Variants in BCAR3 observed in about 807,000 individuals in gnomAD.
BCAR3 encodes BCAR3 adaptor protein, NSP family member, also known as breast cancer anti-estrogen resistance protein 3.
A neutral mutation model predicts 80.1 loss-of-function variants in BCAR3; 37 were observed. The observed-to-expected ratio is 0.46, with a 90% confidence interval of 0.36 to 0.61. The LOEUF (loss-of-function observed/expected upper bound fraction) is 0.61, where lower values mean the gene tolerates loss of function less well. BCAR3 is among the 20% of genes least tolerant of loss of function. BCAR3 has a pLI of 0.00. For synonymous variants in BCAR3, 389 were observed against 418.9 expected, an observed-to-expected ratio of 0.93 and a Z score of 0.87; for missense variants, 978 against 1,068.2, an observed-to-expected ratio of 0.92 and a Z score of 1.18.
chr1:93,806,400 A>G (rs1199342241), intron 2 of BCAR3, among the ~76,000 whole-genome samples: 1 of 152,194 alleles, frequency 6.6e-6, no homozygotes, highest in Non-Finnish European at 1.5e-5. Context: ...TAGGACTAAC[A>G]TGGAAAGTGA....
chr1:93,750,762 C>T (rs186435045), intron 2 of BCAR3, among the ~76,000 whole-genome samples: 2 of 152,260 alleles, frequency 1.3e-5, no homozygotes, highest in East Asian at 3.9e-4. Flanking sequence ...CCAACAAGGC[C>T]CTCCCAGGTC....
intron 3 of BCAR3, among the ~76,000 whole-genome samples, chr1:93,611,015 T>C (rs1674932980): frequency 6.6e-6 from 1 of 152,128 alleles, no homozygotes; most frequent in Non-Finnish European, 1.5e-5. Flanking sequence ...GCTGTTTCTC[T>C]GAGCCTTGGT....
chr1:93,817,350 C>A (rs1654055976), intron 2 of BCAR3, among the ~76,000 whole-genome samples: 1 of 152,232 alleles, frequency 6.6e-6, no homozygotes, highest in African/African-American at 2.4e-5. Context: ...GCCCAGCATT[C>A]CCAGTGGGTC....
At chr1:93,730,920 T>A (rs1650763148) in intron 2 of BCAR3, among the ~76,000 whole-genome samples, 1 of 152,202 alleles carries the variant, frequency 6.6e-6, no homozygotes, top group Non-Finnish European at 1.5e-5. Flanking sequence ...AGCTAGGTGA[T>A]CCAGGTGAAT....
chr1:93,821,626 T>C (rs528265735), intron 2 of BCAR3, among the ~76,000 whole-genome samples: 19 of 152,334 alleles, frequency 1.2e-4, no homozygotes, highest in African/African-American at 4.6e-4. Context: ...TTTGTATTTG[T>C]GTCTACAGTT....
chr1:93,688,581 GT>G (rs562888430), intron 3 of BCAR3, among the ~76,000 whole-genome samples: 30 of 150,756 alleles, frequency 2.0e-4, no homozygotes, highest in Non-Finnish European at 2.2e-4. Flanking sequence ...ATATATGTAT[GT>G]TTTTTTTTAC....
chr1:93,605,826 A>C (rs1332875588), intron 3 of BCAR3, among the ~76,000 whole-genome samples: 1 of 152,240 alleles, frequency 6.6e-6, no homozygotes. Flanking sequence ...TGAATGAACA[A>C]AATGCACCGT....
intron 1 of BCAR3, among the ~76,000 whole-genome samples, chr1:93,680,351 C>T (rs1436159704): frequency 6.6e-6 from 1 of 152,174 alleles, no homozygotes; most frequent in East Asian, 1.9e-4. Flanking sequence ...TGTGGGATCC[C>T]CTGGCTTGGC....
chr1:93,740,998 G>T (rs1651155940), intron 2 of BCAR3, among the ~76,000 whole-genome samples: 1 of 152,200 alleles, frequency 6.6e-6, no homozygotes, highest in Admixed American at 6.5e-5. Context: ...AGATGGCCAG[G>T]GTGAAAGCGT....
intron 1 of BCAR3, chr1:93,846,964 C>G (rs1365034924): frequency 4.0e-6 from 1 of 247,658 alleles, no homozygotes; most frequent in Non-Finnish European, 7.8e-6. Flanking sequence ...AGCACGCACA[C>G]AGACGTCGCG....
At chr1:93,747,477 G>A (rs1651400327) in intron 2 of BCAR3, among the ~76,000 whole-genome samples, 1 of 151,618 alleles carries the variant, frequency 6.6e-6, no homozygotes, top group South Asian at 2.1e-4. Flanking sequence ...ATTTGCAGTT[G>A]CTGGTGTCTG....
chr1:93,805,856 A>C (rs1440771516), intron 2 of BCAR3, among the ~76,000 whole-genome samples: 1 of 152,224 alleles, frequency 6.6e-6, no homozygotes, highest in Non-Finnish European at 1.5e-5. Flanking sequence ...AAAACCTTAG[A>C]GAAAACTAAG....
chr1:93,739,120 T>C (rs1651093901), intron 2 of BCAR3, among the ~76,000 whole-genome samples: 1 of 152,192 alleles, frequency 6.6e-6, no homozygotes. Flanking sequence ...TTCTGCTCCC[T>C]GGGTTTCAAG....
chr1:93,575,887 A>G, intron 8 of BCAR3, 127 bp downstream of exon 8: 1 of 693,810 alleles, frequency 1.4e-6, no homozygotes, highest in East Asian at 2.7e-5. Flanking sequence ...GCTGTAGGCC[A>G]TGCGCCCTGA....
intron 8 of BCAR3, among the ~76,000 whole-genome samples, chr1:93,572,710 G>A (rs1673269037): frequency 6.6e-6 from 1 of 152,206 alleles, no homozygotes; most frequent in African/African-American, 2.4e-5. Context: ...CTTCCAGGCT[G>A]TGGTACAAGT....
rs377740083 is a variant in BCAR3, at chr1:93,780,399, G to A, written c.-63+65168C>T. On this transcript the variant is annotated intron_variant, in intron 2 of 13. Transcript: ENST00000370244. ...TAACATCACTTGAAATGTCTACACT[G>A]GGCTGATGATTCTCTTAAAACTCTT... Among the ~76,000 whole-genome samples, 40 of 152,262 alleles carry A rather than the reference G, an allele frequency of 2.6e-4. 3 individuals carry two copies. The highest frequency in any genetic ancestry group is 1.2e-3 in the Admixed American group (19 of 15,304).
intron 2 of BCAR3, among the ~76,000 whole-genome samples, chr1:93,754,977 G>A (rs1025153200): frequency 1.3e-5 from 2 of 152,184 alleles, no homozygotes; most frequent in Non-Finnish European, 2.9e-5. Context: ...GGGACAAGAT[G>A]TGGAGGTGAA....
chr1:93,597,397 A>G (rs1225029618), intron 3 of BCAR3, among the ~76,000 whole-genome samples: 5 of 152,234 alleles, frequency 3.3e-5, no homozygotes, highest in African/African-American at 1.2e-4. Context: ...GTCTAGCTAC[A>G]TCTTTCCTAT....
chr1:93,627,217 T>G (rs1373455498), intron 3 of BCAR3, among the ~76,000 whole-genome samples: 1 of 152,200 alleles, frequency 6.6e-6, no homozygotes, highest in Non-Finnish European at 1.5e-5. Flanking sequence ...GCATAACTCG[T>G]AAACCAATAT....
Sources: allele counts gnomAD v4.1 joint callset (sites outside exome capture counted in the v4.1 genomes callset), GRCh38; gene constraint gnomAD v4.1.1; transcripts MANE v1.5; gene names NCBI Gene and HGNC (gene_info 2026-07-23, HGNC 2026-07-21).